C8orf74: variants seen among roughly 807,000 people sequenced by gnomAD.
The protein encoded by C8orf74 is chromosome 8 open reading frame 74.
A neutral mutation model predicts 22.2 loss-of-function variants in C8orf74; 29 were observed. The observed-to-expected ratio is 1.31, with a 90% CI of 0.97 to 1.78. C8orf74 has a LOEUF of 1.78. C8orf74 is among the 40% of genes most tolerant of loss of function. C8orf74 has a pLI of 0.00. For synonymous variants in C8orf74, 255 were observed against 163.1 expected (o/e 1.56, Z -4.30); for missense variants, 515 against 369.9 (o/e 1.39, Z -3.22).
intron 2 of C8orf74, 68 bp downstream of exon 2, chr8:10,674,906 C>G (rs1213233520): frequency 7.5e-6 from 10 of 1,337,224 alleles, no homozygotes; most frequent in Non-Finnish European, 8.2e-6. Flanking sequence ...TAGAACTCCC[C>G]TGCCGTCCAC....
intron 3 of C8orf74, among the ~76,000 whole-genome samples, chr8:10,699,348 T>C (rs1286975109): frequency 1.3e-5 from 2 of 152,132 alleles, no homozygotes; most frequent in Admixed American, 6.5e-5. Context: ...CACCACGCAT[T>C]CTCTTATAGC....
intron 2 of C8orf74, chr8:10,692,371 C>G (rs73532604): frequency 0.015 from 2,332 of 152,658 alleles, 63 homozygotes; most frequent in African/African-American, 0.054. Flanking sequence ...CCGCTCACCC[C>G]CTACCTGCTG....
At chr8:10,681,537 G>A (rs995668065) in intron 2 of C8orf74, among the ~76,000 whole-genome samples, 12 of 152,156 alleles carry the variant, frequency 7.9e-5, no homozygotes, top group African/African-American at 2.9e-4. Flanking sequence ...CTGCACAGGA[G>A]GCAGGGAAGG....
chr8:10,686,360 T>C (rs945722292), intron 2 of C8orf74, among the ~76,000 whole-genome samples: 3 of 152,168 alleles, frequency 2.0e-5, no homozygotes, highest in Non-Finnish European at 2.9e-5. Flanking sequence ...ATTTCATAGG[T>C]TGGTTGTGAT....
chr8:10,697,553 C>G (rs764319582), intron 2 of C8orf74, 46 bp from the exon 3 acceptor site: 3 of 1,565,308 alleles, frequency 1.9e-6, no homozygotes, highest in Non-Finnish European at 2.6e-6. Context: ...CCTGGCAGGG[C>G]AGCTCTGTCC....
At chr8:10,676,587 G>A (rs73200714) in intron 2 of C8orf74, among the ~76,000 whole-genome samples, 12,666 of 152,180 alleles carry the variant, frequency 0.083, 743 homozygotes, top group South Asian at 0.17. Context: ...CGGCTGCCAG[G>A]TTCTCTTCCA....
intron 2 of C8orf74, among the ~76,000 whole-genome samples, chr8:10,685,045 T>C (rs1034747874): frequency 6.6e-6 from 1 of 152,256 alleles, no homozygotes; most frequent in Non-Finnish European, 1.5e-5. Flanking sequence ...GATTCCATCA[T>C]GCCACTCAAA....
chr8:10,699,814 G>A (rs1331301254), intron 3 of C8orf74, among the ~76,000 whole-genome samples: 1 of 152,248 alleles, frequency 6.6e-6, no homozygotes, highest in African/African-American at 2.4e-5. Flanking sequence ...TTGACCAGGA[G>A]GTAGGGTCTA....
chr8:10,690,258 C>G (rs1166765272), intron 2 of C8orf74, among the ~76,000 whole-genome samples: 1 of 152,168 alleles, frequency 6.6e-6, no homozygotes, highest in Non-Finnish European at 1.5e-5. Flanking sequence ...ACTCACCGTG[C>G]TGGGAGCTGG....
In C8orf74 at chr8:10,687,239, G is replaced by C. The variant is rs190978907; in HGVS notation, c.242-10360G>C. The C allele has an allele frequency of 1.3e-5, 5 of 393,864 alleles. No individual in the cohort carries two copies. The East Asian group carries it at 3.0e-4, about 23-fold the overall frequency. 24.4% of individuals were successfully genotyped at this position (393,864 alleles called of 1,614,324 possible). A position where few individuals can be genotyped will look rare whatever the true frequency, so the allele number is the denominator to read the frequency against. On this transcript the variant is annotated intron_variant, in intron 2 of 3. Transcript: ENST00000304519. ...TATGCATGCTGTCGCCTAATCTCAC[G>C]AGGTAGAGATTTTTATTGCCTCTAT... is the stretch of plus-strand genomic sequence containing the variant.
intron 2 of C8orf74, among the ~76,000 whole-genome samples, chr8:10,683,535 G>A (rs916587178): frequency 5.9e-5 from 9 of 152,208 alleles, no homozygotes; most frequent in Non-Finnish European, 1.3e-4. Flanking sequence ...CTGCCTAGTC[G>A]CTTTCATCTC....
At chr8:10,692,671 A>G (rs924314980) in intron 2 of C8orf74, 1 of 144,066 alleles carries the variant, frequency 6.9e-6, no homozygotes, top group Non-Finnish European at 1.5e-5. Context: ...CATGCTGGCT[A>G]TTTTTTTTTT....
At chr8:10,692,833 G>A (rs1369329744) in intron 2 of C8orf74, 1 of 152,226 alleles carries the variant, frequency 6.6e-6, no homozygotes, top group Non-Finnish European at 1.5e-5. Flanking sequence ...AGCACCTCCT[G>A]GGAGCTGGGC....
rs115784563 is a variant in C8orf74, at chr8:10,679,269, C to G, written c.241+4431C>G. Among the ~76,000 whole-genome samples the G allele has an allele frequency of 6.9e-3, 1,044 of 152,242 alleles. 11 individuals are homozygous for G. The highest frequency in any genetic ancestry group is 0.023 in the African/African-American group (968 of 41,548). On this transcript the variant is annotated intron_variant, in intron 2 of 3. Transcript: ENST00000304519. ...CACTGGAGTCGGCCTTTATGTTACA[C>G]CCGCTTGCAGGGGTCTCAGGCACCC...
Position 10,682,446 on chromosome 8 carries a change from G to A in C8orf74, c.241+7608G>A, listed in dbSNP as rs142175575. ...AAGCCCAAGGTCAAGGCCGTGGCAG[G>A]GCTCGTTTCTCCCGAAGCCTCTCTC... On this transcript the variant is annotated intron_variant, in intron 2 of 3. Coordinates refer to ENST00000304519, the MANE Select transcript of C8orf74 (RefSeq NM_001040032.2). 3.6e-3 allele frequency among the ~76,000 whole-genome samples: 551 copies of A among 152,254 alleles called. 3 individuals are homozygous for A. The highest frequency in any genetic ancestry group is 5.5e-3 in the Non-Finnish European group (371 of 68,020).
intron 2 of C8orf74, among the ~76,000 whole-genome samples, chr8:10,693,403 T>C (rs1193626162): frequency 1.3e-5 from 2 of 152,188 alleles, no homozygotes; most frequent in East Asian, 1.9e-4. Flanking sequence ...TAGATATCTG[T>C]GTGTTTCCTC....
intron 2 of C8orf74, among the ~76,000 whole-genome samples, chr8:10,685,779 G>T (rs1430108606): frequency 1.3e-5 from 2 of 152,222 alleles, no homozygotes; most frequent in African/African-American, 4.8e-5. Flanking sequence ...CTTAAAAATA[G>T]TTATAATCGG....
chr8:10,697,916 G>A lies in C8orf74; in HGVS notation c.559G>A (p.Glu187Lys). Residue 187 changes from glutamate to lysine, a missense_variant, in exon 3 of 4, where the codon GAG becomes AAG. By Grantham distance (56) the Glu-to-Lys change is moderately conservative. Coordinates refer to ENST00000304519, the MANE Select transcript of C8orf74 (RefSeq NM_001040032.2). ...QKRADVLLLK[E>K]ALRLERENSL... ...GCGCGCCGACGTGCTGCTCCTGAAA[G>A]AGGCGCTGCGCCTGGAGCGGGAGAA... 6.2e-7 allele frequency: 1 copy of A among 1,602,284 alleles called. No homozygotes were observed. Among genetic ancestry groups the A allele is most frequent in the Non-Finnish European group, 8.5e-7 (1 of 1,174,400 alleles).
In C8orf74 at chr8:10,697,849, C is replaced by T. The variant is rs1010500459; in HGVS notation, c.492C>T (p.His164=). ...AEGMDRDLWI[H]EQQVATLTEA... The stretch of plus-strand genomic sequence containing the variant: ...GCATGGACAGGGACTTGTGGATCCA[C>T]GAGCAGCAGGTGGCCACACTGACGG... The change falls in exon 3 of 4, where the codon CAC becomes CAT. Residue 164 remains histidine, a synonymous_variant. Coordinates refer to ENST00000304519, the MANE Select transcript of C8orf74 (RefSeq NM_001040032.2). The T allele has an allele frequency of 2.5e-6, 4 of 1,613,638 alleles. No homozygotes were observed. Among genetic ancestry groups the T allele is most frequent in the East Asian group, 2.2e-5 (1 of 44,876 alleles).
Sources: gnomAD v4.1 joint callset for allele counts (sites outside exome capture counted in the v4.1 genomes callset) on GRCh38, gnomAD v4.1.1 for gene constraint, MANE v1.5 for transcripts, NCBI Gene and HGNC (gene_info 2026-07-23, HGNC 2026-07-21) for gene names.